Variants in FMNL1 observed in about 807,000 individuals in gnomAD.
FMNL1 encodes the protein formin like 1, also known as formin-like protein 1.
A neutral mutation model predicts 121.3 loss-of-function variants in FMNL1; 43 were observed. The observed-to-expected ratio is 0.35, with a 90% CI of 0.28 to 0.46. The LOEUF is 0.46. Among genes scored for constraint, FMNL1 ranks in the 20% least tolerant of loss-of-function variants. The pLI, the probability that FMNL1 is intolerant of heterozygous loss-of-function variation, is 1.00. For missense variants in FMNL1, 1,191 were observed against 1,482.4 expected, an observed-to-expected ratio of 0.80 and a Z score of 3.23; for synonymous variants, 613 against 613.5, an observed-to-expected ratio of 1.00 and a Z score of 0.01.
Position 45,238,646 on chromosome 17 carries a change from CAGG to C in FMNL1, c.969+11_969+13del. 6.2e-7 allele frequency: 1 copy of C among 1,614,080 alleles called. No homozygotes were observed. Among genetic ancestry groups the C allele is most frequent in the Non-Finnish European group, 8.5e-7 (1 of 1,179,988 alleles). On this transcript the variant is annotated intron_variant, in intron 10 of 26. Coordinates refer to ENST00000331495, the MANE Select transcript of FMNL1 (RefSeq NM_005892.4). Reference sequence around the variant, plus strand: ...AGCAACATCGACTTCATGGTGAGCTCAGGAGCCCAGCAGCCTGAGGCCTGGGCC... The same window carrying C: ...AGCAACATCGACTTCATGGTGAGCTCAGCCCAGCAGCCTGAGGCCTGGGCC...
chr17:45,238,660 C>CCTGAGGCCTGGGCCAGGCCCT (rs2043607311), intron 10 of FMNL1, 22 bp downstream of exon 10: 1 of 1,613,686 alleles, frequency 6.2e-7, no homozygotes, highest in African/African-American at 1.3e-5. Flanking sequence ...AGCCCAGCAG[C>CCTGAGGCCTGGGCCAGGCCCT]CTGAGGCCTG....
intron 1 of FMNL1, 50 bp downstream of exon 1, chr17:45,222,303 C>T (rs923102270): frequency 2.9e-5 from 33 of 1,144,276 alleles, no homozygotes; most frequent in Non-Finnish European, 3.5e-5. Flanking sequence ...GCGGCAGGGG[C>T]GCGGCAGGGG....
In FMNL1 at chr17:45,234,093, C is replaced by A; in HGVS notation, c.507C>A (p.Asp169Glu). The A allele has an allele frequency of 6.2e-7, 1 of 1,614,118 alleles. No individual in the cohort carries two copies. The highest frequency in any genetic ancestry group is 8.5e-7 in the Non-Finnish European group (1 of 1,180,018). The change falls in exon 6 of 27, where the codon GAC (aspartate) becomes GAA (glutamate). Residue 169 changes from aspartate (D) to glutamate (E), a missense_variant. By Grantham distance (45) the Asp-to-Glu change is conservative. Around this residue, in one of 4 missense-constraint regions of FMNL1, gnomAD observed 253 missense variants for 417.5 expected, o/e 0.61. Transcript: ENST00000331495. ...CCAGGTATGACATGGAGAGCACAGA[C>A]AACGGGGCTTCCAACTCAGAGAAAA... The part of the protein sequence containing the change: ...CSVTYDMEST[D>E]NGASNSEKNK...
Position 45,237,697 on chromosome 17 carries a change from GTTGT to G in FMNL1, c.894+60_894+63del. ...CCCCTATGGTGTTGCTTGGAGTCTT[GTTGT>G]TGGCAGTTGTGGCCTTTGCTGGAGG... On this transcript the variant is annotated intron_variant, in intron 9 of 26. Transcript: ENST00000331495. The surrounding 1 kb of genome is among the most constrained non-coding windows in gnomAD (Gnocchi z 4.4). The G allele has an allele frequency of 6.3e-7, 1 of 1,577,034 alleles. No individual in the cohort carries two copies. Among genetic ancestry groups the G allele is most frequent in the South Asian group, 1.1e-5 (1 of 89,766 alleles).
intron 21 of FMNL1, 32 bp from the exon 22 acceptor site, chr17:45,245,221 A>T (rs1567973562): frequency 6.2e-7 from 1 of 1,613,708 alleles, no homozygotes; most frequent in South Asian, 1.1e-5. Flanking sequence ...TCTCCGATTC[A>T]CTGACCTGAT....
At chr17:45,229,712 G>A (rs908692294) in intron 1 of FMNL1, among the ~76,000 whole-genome samples, 3 of 152,270 alleles carry the variant, frequency 2.0e-5, no homozygotes, top group South Asian at 2.1e-4. Context: ...TGGTTGATTC[G>A]GCAGCCCTGG....
chr17:45,241,344 C>G lies in FMNL1; in HGVS notation c.1333-38C>G, dbSNP rs762348410. On this transcript the variant is annotated intron_variant, in intron 13 of 26. Transcript: ENST00000331495. This position sits in a 1 kb window ranked among gnomAD's most constrained non-coding sequence, Gnocchi z 7.0. ...AGATGGAGGCTTGGTGCCAAGGAGC[C>G]TGCTGGTGGGCACTGACCCCTCCCG... is the stretch of plus-strand genomic sequence containing the variant. 2.4e-5 allele frequency: 38 copies of G among 1,585,636 alleles called. No homozygotes were observed. The highest frequency in any genetic ancestry group is 1.8e-4 in the Admixed American group (10 of 55,906).
At chr17:45,242,786 A>T (rs530457972) in intron 16 of FMNL1, among the ~76,000 whole-genome samples, 6 of 152,172 alleles carry the variant, frequency 3.9e-5, no homozygotes, top group Non-Finnish European at 1.5e-5. Context: ...GTTTTCCAAA[A>T]GGATGTATTC....
chr17:45,229,771 T>A (rs1055429459), intron 1 of FMNL1, among the ~76,000 whole-genome samples: 1 of 152,116 alleles, frequency 6.6e-6, no homozygotes, highest in East Asian at 1.9e-4. Flanking sequence ...ACCCTTGTCA[T>A]CTGTGGCCAG....
intron 11 of FMNL1, chr17:45,239,382 G>A: frequency 3.3e-6 from 1 of 304,140 alleles, no homozygotes; most frequent in Non-Finnish European, 6.3e-6. Flanking sequence ...CTGGCTCTGG[G>A]AGCACCAGCC....
At position 45,246,926 on chromosome 17, in the gene FMNL1, C is replaced by T. The variant is rs371184072; in HGVS notation, c.*68C>T. On this transcript the variant is annotated 3_prime_UTR_variant, in exon 27 of 27. Transcript: ENST00000331495. ...AGGCCGCCGCAGTGCCCGTCGGCGT[C>T]CCCCGGGCCCCCCACTGCAGGTCAC... The T allele has an allele frequency of 1.3e-6, 1 of 757,468 alleles. No individual in the cohort carries two copies. The highest frequency in any genetic ancestry group is 1.7e-5 in the Admixed American group (1 of 57,974). The allele number at this position is 757,468 out of a possible 1,614,324, so 46.9% of individuals were successfully genotyped here.
intron 1 of FMNL1, 147 bp from the exon 2 acceptor site, chr17:45,230,457 A>G (rs2043415643): frequency 1.6e-6 from 1 of 639,954 alleles, no homozygotes; most frequent in African/African-American, 1.8e-5. Flanking sequence ...TTCTCATTGG[A>G]TAACACTACG....
chr17:45,232,444 C>T lies in FMNL1; in HGVS notation c.291C>T (p.Ser97=), dbSNP rs751152929. ...GCTATGTGGATACTGGTGGGGTCAG[C>T]CGAAAGGTAGCAGCTGATTGGATGT... ...LKSYVDTGGV[S]RKVAADWMSN... Residue 97 remains serine, a synonymous_variant, in exon 3 of 27, where the codon AGC becomes AGT. Coordinates refer to ENST00000331495, the MANE Select transcript of FMNL1 (RefSeq NM_005892.4). The T allele has an allele frequency of 1.9e-6, 3 of 1,614,054 alleles. No individual in the cohort carries two copies. Among genetic ancestry groups the T allele is most frequent in the South Asian group, 1.1e-5 (1 of 91,082 alleles).
rs755030015 is a variant in FMNL1, at chr17:45,243,920, G to A, written c.2343G>A (p.Glu781=). The A allele has an allele frequency of 1.9e-6, 3 of 1,613,786 alleles. No homozygotes were observed. Among genetic ancestry groups the A allele is most frequent in the Admixed American group, 3.3e-5 (2 of 60,018 alleles). Residue 781 remains glutamate, a synonymous_variant, in exon 18 of 27, where the codon GAG becomes GAA. Transcript: ENST00000331495. ...GGCCAATGGAGGAGCTGTCAGAGGA[G>A]GACCGCTTCATGCTATGCTTCAGCC... ...EQRPMEELSE[E]DRFMLCFSRI...
Position 45,238,564 on chromosome 17 carries a change from G to C in FMNL1, c.895G>C (p.Val299Leu), listed in dbSNP as rs781205836. ...AGTGAGAGCCATTCCCCTTACCCAGGTGTGTGGGGAGCAGCACCGCTTTGA... is the reference window on the plus strand; with the variant it reads ...AGTGAGAGCCATTCCCCTTACCCAGCTGTGTGGGGAGCAGCACCGCTTTGA... ...ILAAFDNFKE[V>L]CGEQHRFEKL... is the part of the protein sequence containing the mutation. Residue 299 changes from valine to leucine, a missense_variant and splice_region_variant, in exon 10 of 27, where the codon GTG becomes CTG. Val to Leu is a conservative substitution (Grantham distance 32). Around this residue, in one of 4 missense-constraint regions of FMNL1, gnomAD observed 253 missense variants for 417.5 expected, o/e 0.61. Transcript: ENST00000331495. 1 of 1,614,184 alleles carries C rather than the reference G, an allele frequency of 6.2e-7. No individual in the cohort carries two copies. The highest frequency in any genetic ancestry group is 1.7e-5 in the Admixed American group (1 of 60,022).
chr17:45,246,890 C>T lies in FMNL1; in HGVS notation c.*32C>T. 1.3e-6 allele frequency: 1 copy of T among 753,998 alleles called. No individual in the cohort carries two copies. The allele number at this position is 753,998 out of a possible 1,614,324, so 46.7% of individuals were successfully genotyped here. A position where few individuals can be genotyped will look rare whatever the true frequency, so the allele number is the denominator to read the frequency against. On this transcript the variant is annotated 3_prime_UTR_variant, in exon 27 of 27. Coordinates refer to ENST00000331495, the MANE Select transcript of FMNL1 (RefSeq NM_005892.4). ...AGATCTGCGGAACCAGCCCTACATC[C>T]GCGCAGACACAGGCCGCCGCAGTGC...
At chr17:45,232,099 G>A (rs9907333) in intron 2 of FMNL1, among the ~76,000 whole-genome samples, 10,981 of 152,228 alleles carry the variant, frequency 0.072, 408 homozygotes, top group Admixed American at 0.12. Flanking sequence ...GCTTGAGCCC[G>A]GGAGTAGGAG....
chr17:45,234,556 C>T (rs1196219854), intron 6 of FMNL1: 1 of 324,382 alleles, frequency 3.1e-6, no homozygotes, highest in African/African-American at 2.2e-5. Flanking sequence ...CCTAGCTACT[C>T]AGGAAGCTGA....
At position 45,222,107 on chromosome 17, in the gene FMNL1, G is replaced by C. The variant is rs1194430216; in HGVS notation, c.-18G>C. The C allele has an allele frequency of 8.7e-7, 1 of 1,149,044 alleles. No individual in the cohort carries two copies. Among genetic ancestry groups the C allele is most frequent in the Non-Finnish European group, 1.1e-6 (1 of 935,300 alleles). The allele number at this position is 1,149,044 out of a possible 1,614,324, so 71.2% of individuals were successfully genotyped here. A position where few individuals can be genotyped will look rare whatever the true frequency, so the allele number is the denominator to read the frequency against. Reference sequence around the variant, plus strand: ...TTTCCGAGGCTGGAGGCGCCTGGCCGGCTGGGTGGGGACCACCATGGGCAA... The same window carrying C: ...TTTCCGAGGCTGGAGGCGCCTGGCCCGCTGGGTGGGGACCACCATGGGCAA... On this transcript the variant is annotated 5_prime_UTR_variant, in exon 1 of 27. Transcript: ENST00000331495.
Sources: gnomAD v4.1 joint callset for allele counts (sites outside exome capture counted in the v4.1 genomes callset) on GRCh38, gnomAD v4.1.1 for gene constraint, gnomAD v4.1.1 regional missense constraint, Gnocchi (gnomAD v3.1) non-coding constraint, MANE v1.5 for transcripts, NCBI Gene and HGNC (gene_info 2026-07-23, HGNC 2026-07-21) for gene names.